The following PCDH11X variants were observed in gnomAD, a reference collection of about 807,000 sequenced individuals.
The protein encoded by PCDH11X is protocadherin-11 X-linked.
A neutral mutation model predicts 53.3 loss-of-function variants in PCDH11X; 18 were observed. That is an observed-to-expected ratio of 0.34 (90% CI 0.23 to 0.50). PCDH11X has a LOEUF of 0.50. PCDH11X is among the 20% of genes least tolerant of loss of function. The probability of loss-of-function intolerance (pLI) is 0.98; values close to 1 mark genes in which losing one functional copy is unlikely to be tolerated. For synonymous variants in PCDH11X, 279 were observed against 393.3 expected, an observed-to-expected ratio of 0.71 and a Z score of 3.44; for missense variants, 570 against 1,032.4, an observed-to-expected ratio of 0.55 and a Z score of 6.14.
chrX:92,254,053 G>A (rs113674408), intron 7 of PCDH11X, among the ~76,000 whole-genome samples: 2,034 of 111,766 alleles, frequency 0.018, 23 homozygotes, highest in Non-Finnish European at 0.029. Context: ...TTCTCATTAA[G>A]TATGTGAGTC....
chrX:92,330,288 G>A (rs975868285), intron 8 of PCDH11X, among the ~76,000 whole-genome samples: 6 of 111,171 alleles, frequency 5.4e-5, no homozygotes, highest in African/African-American at 2.0e-4. Flanking sequence ...AATGGTAAAA[G>A]AACTGTGAAC....
intron 8 of PCDH11X, among the ~76,000 whole-genome samples, chrX:92,308,619 G>A (rs1031829535): frequency 2.7e-5 from 3 of 111,315 alleles, no homozygotes; most frequent in Non-Finnish European, 5.7e-5. Context: ...GGAATCAAAA[G>A]CACAGGTAAC....
chrX:92,049,475 T>C (rs2063337151), intron 6 of PCDH11X, among the ~76,000 whole-genome samples: 1 of 110,335 alleles, frequency 9.1e-6, no homozygotes, highest in Non-Finnish European at 1.9e-5. Context: ...AGCTTAGTCC[T>C]CACAGTTTTA....
chrX:92,484,137 GTATGTA>G (rs751027895), intron 10 of PCDH11X, among the ~76,000 whole-genome samples: 518 of 42,563 alleles, frequency 0.012, 6 homozygotes, highest in African/African-American at 0.03. Flanking sequence ...ATGTATATAT[GTATGTA>G]TATATATGTA....
rs1397088456 is a variant in PCDH11X, at chrX:92,467,460, G to A, written c.3344-839G>A. 1.1e-3 allele frequency among the ~76,000 whole-genome samples: 122 copies of A among 111,002 alleles called. 1 individual carries two copies. Among genetic ancestry groups the A allele is most frequent in the African/African-American group, 3.6e-3 (110 of 30,767 alleles). On this transcript the variant is annotated intron_variant, in intron 9 of 10. Transcript: ENST00000682573. ...ATTAAATAATTCCTAAAATGCAGAT[G>A]TGATCAGGAAATTATTTATTAATAT... is the stretch of plus-strand genomic sequence containing the variant.
At chrX:92,528,205 TA>T (rs1279050173) in intron 10 of PCDH11X, among the ~76,000 whole-genome samples, 1 of 112,611 alleles carries the variant, frequency 8.9e-6, no homozygotes, top group Non-Finnish European at 1.9e-5. Context: ...TTTAAGAAAA[TA>T]AAAATTATAT....
At chrX:91,819,369 G>A (rs778430123) in intron 4 of PCDH11X, among the ~76,000 whole-genome samples, 43 of 110,100 alleles carry the variant, frequency 3.9e-4, no homozygotes, top group African/African-American at 1.3e-3. Context: ...CTAATAGTTT[G>A]AAAAACTGAT....
At chrX:92,280,354 G>A (rs1007316637) in intron 8 of PCDH11X, among the ~76,000 whole-genome samples, 6 of 110,128 alleles carry the variant, frequency 5.4e-5, no homozygotes, top group African/African-American at 2.0e-4. Flanking sequence ...TTTGAGACCA[G>A]CCTGACCAAC....
At chrX:92,160,806 T>C (rs138280895) in intron 6 of PCDH11X, among the ~76,000 whole-genome samples, 2,097 of 110,558 alleles carry the variant, frequency 0.019, 67 homozygotes, top group African/African-American at 0.066. Flanking sequence ...ATAGAAGTGT[T>C]CCCTTTTCAC....
Position 92,201,369 on chromosome X carries a change from C to G in PCDH11X, c.3034-6C>G. On this transcript the variant is annotated splice_region_variant and splice_polypyrimidine_tract_variant and intron_variant, in intron 6 of 10. Coordinates refer to ENST00000682573, the MANE Select transcript of PCDH11X (RefSeq NM_032968.5). ...TAAAATACTTCTATTTTCTTCCCTT[C>G]TAAAGCCAATGAAGGAGGTTGTGCG... The G allele has an allele frequency of 8.4e-7, 1 of 1,196,788 alleles. No individual in the cohort carries two copies. The highest frequency in any genetic ancestry group is 3.0e-5 in the East Asian group (1 of 33,279).
At chrX:92,213,878 A>T (rs939408883) in intron 7 of PCDH11X, among the ~76,000 whole-genome samples, 1 of 91,269 alleles carries the variant, frequency 1.1e-5, no homozygotes, top group African/African-American at 3.6e-5. Flanking sequence ...TAAAATATGG[A>T]GTTTCAGTTT....
intron 1 of PCDH11X, among the ~76,000 whole-genome samples, chrX:91,783,959 A>G: frequency 8.9e-6 from 1 of 111,829 alleles, no homozygotes; most frequent in East Asian, 2.8e-4. Flanking sequence ...TTCATAAAGG[A>G]GAGAGAGGTC....
intron 8 of PCDH11X, among the ~76,000 whole-genome samples, chrX:92,285,246 A>ATTTTTTTT (rs36047305): frequency 2.5e-5 from 1 of 40,774 alleles, no homozygotes; most frequent in African/African-American, 8.3e-5. Flanking sequence ...AGACTGTAGA[A>ATTTTTTTT]TTTTTTTTTT....
chrX:91,822,201 G>A (rs974360047), intron 4 of PCDH11X, among the ~76,000 whole-genome samples: 1 of 110,015 alleles, frequency 9.1e-6, no homozygotes, highest in African/African-American at 3.4e-5. Flanking sequence ...AATGAGCTAG[G>A]GAGGATTCTC....
At chrX:91,939,519 A>G (rs2061484110) in intron 6 of PCDH11X, among the ~76,000 whole-genome samples, 1 of 109,629 alleles carries the variant, frequency 9.1e-6, no homozygotes, top group Non-Finnish European at 1.9e-5. Context: ...AGCACAAGAA[A>G]CATGAAGAAA....
In PCDH11X at chrX:91,878,872, C is replaced by G; in HGVS notation, c.2632C>G (p.Pro878Ala). Residue 878 changes from proline (P) to alanine (A), a missense_variant, in exon 6 of 11, where the codon CCT becomes GCT. Around this residue, in one of 6 missense-constraint regions of PCDH11X, gnomAD observed 226 missense variants for 457.5 expected, o/e 0.49. Coordinates refer to ENST00000682573, the MANE Select transcript of PCDH11X (RefSeq NM_032968.5). ...KKKKKKKKHS[P>A]KNLLLNFVTI... The stretch of plus-strand genomic sequence containing the variant: ...AAAGAAAAAGAAGAAGAAGCATTCC[C>G]CTAAGAACTTGCTGCTTAATTTTGT... The G allele has an allele frequency of 8.3e-7, 1 of 1,211,428 alleles. No individual in the cohort carries two copies.
intron 6 of PCDH11X, among the ~76,000 whole-genome samples, chrX:92,121,025 G>A (rs1197065290): frequency 3.9e-5 from 4 of 102,312 alleles, no homozygotes; most frequent in Non-Finnish European, 6.0e-5. Flanking sequence ...GTATAAGTAT[G>A]TAGCTGAGAT....
At position 92,275,832 on chromosome X, in the gene PCDH11X, G is replaced by A. The variant is rs185739196; in HGVS notation, c.3144+12689G>A. ...GGATATTGGTGTTGAGCGGGGTAAG[G>A]GTGATTAGGTTTTAATGAGATGGTA... On this transcript the variant is annotated intron_variant, in intron 8 of 10. Transcript: ENST00000682573. Among the ~76,000 whole-genome samples, 186 of 110,766 alleles carry A rather than the reference G, an allele frequency of 1.7e-3. 1 individual carries two copies. Among genetic ancestry groups the A allele is most frequent in the African/African-American group, 6.0e-3 (181 of 30,406 alleles).
chrX:92,304,968 C>T (rs755450795), intron 8 of PCDH11X, among the ~76,000 whole-genome samples: 3 of 55,574 alleles, frequency 5.4e-5, no homozygotes, highest in East Asian at 6.1e-4. Flanking sequence ...AATCTTGCAG[C>T]CATTTTTTTT....
Sources: gnomAD v4.1 joint callset for allele counts (sites outside exome capture counted in the v4.1 genomes callset) on GRCh38, gnomAD v4.1.1 for gene constraint, gnomAD v4.1.1 regional missense constraint, MANE v1.5 for transcripts, NCBI Gene and HGNC (gene_info 2026-07-23, HGNC 2026-07-21) for gene names.